The following DOCK10 variants were observed in gnomAD, a reference collection of about 807,000 sequenced individuals.
DOCK10 encodes dedicator of cytokinesis protein 10.
A neutral mutation model predicts 280.1 loss-of-function variants in DOCK10; 145 were observed. The ratio of observed to expected loss-of-function variants is 0.52; its 90% CI spans 0.45 to 0.59. DOCK10 has a LOEUF of 0.59. Ranked by LOEUF, DOCK10 falls within the 20% of genes least tolerant of loss-of-function variation. The pLI is 0.00. For missense variants in DOCK10, 2,368 were observed against 2,651.7 expected, an observed-to-expected ratio of 0.89 and a Z score of 2.35; for synonymous variants, 915 against 942.2, an observed-to-expected ratio of 0.97 and a Z score of 0.53.
At chr2:224,968,913 A>T (rs978732241) in intron 1 of DOCK10, among the ~76,000 whole-genome samples, 6 of 152,234 alleles carry the variant, frequency 3.9e-5, no homozygotes, top group African/African-American at 1.4e-4. Flanking sequence ...CCACAGACAG[A>T]CACACACTTA....
At position 224,931,623 on chromosome 2, in the gene DOCK10, T is replaced by C; in HGVS notation, c.169A>G (p.Ile57Val). 1 of 1,611,572 alleles carries C rather than the reference T, an allele frequency of 6.2e-7. No homozygotes were observed. The highest frequency in any genetic ancestry group is 8.5e-7 in the Non-Finnish European group (1 of 1,178,842). ...LLEPLDYETV[I>V]EELEKTYRND... ...CGGTAGGTCTTTTCAAGTTCTTCAA[T>C]GACAGTCTCATAATCCAAAGGCTCG... The change falls in exon 2 of 56, where the codon ATT becomes GTT. Residue 57 changes from isoleucine to valine, a missense_variant. Physicochemically the swap from Ile to Val is conservative, Grantham distance 29. Around this residue, in one of 2 missense-constraint regions of DOCK10, gnomAD observed 1,209 missense variants for 1,250.9 expected, o/e 0.97. Coordinates refer to ENST00000258390, the MANE Select transcript of DOCK10 (RefSeq NM_014689.3).
intron 1 of DOCK10, among the ~76,000 whole-genome samples, chr2:224,961,448 TTCTTTCTTTCTTTCTTTCTTTTTC>T (rs1704424000): frequency 7.5e-6 from 1 of 133,278 alleles, no homozygotes; most frequent in African/African-American, 2.7e-5. Flanking sequence ...CTTTCTTTCT[TTCTTTCTTTCTTTCTTTCTTTTTC>T]TTTCTTTCTT....
intron 11 of DOCK10, among the ~76,000 whole-genome samples, chr2:224,868,025 A>G (rs934771148): frequency 1.3e-5 from 2 of 152,192 alleles, no homozygotes; most frequent in African/African-American, 4.8e-5. Context: ...ACTGGGCTGA[A>G]GAGCTGGGCC....
At chr2:224,958,594 T>TC (rs1704188776) in intron 1 of DOCK10, among the ~76,000 whole-genome samples, 1 of 152,186 alleles carries the variant, frequency 6.6e-6, no homozygotes, top group Admixed American at 6.5e-5. Context: ...TTATCCTATT[T>TC]CTGTCATCTC....
intron 18 of DOCK10, among the ~76,000 whole-genome samples, chr2:224,850,595 T>A (rs1292413266): frequency 6.6e-6 from 1 of 152,160 alleles, no homozygotes; most frequent in African/African-American, 2.4e-5. Flanking sequence ...TTAGAATGGC[T>A]TCCTGAACAG....
intron 27 of DOCK10, among the ~76,000 whole-genome samples, chr2:224,826,198 G>A (rs1315152134): frequency 6.6e-6 from 1 of 152,050 alleles, no homozygotes; most frequent in Non-Finnish European, 1.5e-5. Flanking sequence ...TGAGTAGCTG[G>A]GATTACAGGT....
chr2:224,818,359 T>C (rs552879823), intron 29 of DOCK10, among the ~76,000 whole-genome samples: 7 of 151,886 alleles, frequency 4.6e-5, no homozygotes, highest in African/African-American at 1.7e-4. Flanking sequence ...AAGTGACGCA[T>C]GACTGTATTC....
chr2:224,994,091 C>T (rs6738674), intron 1 of DOCK10, among the ~76,000 whole-genome samples: 17,394 of 152,044 alleles, frequency 0.11, 2,253 homozygotes, highest in African/African-American at 0.32. Flanking sequence ...CATATTATAT[C>T]GCTTTGTAAT....
chr2:224,916,465 T>C (rs13007460), intron 3 of DOCK10, among the ~76,000 whole-genome samples: 86,077 of 149,182 alleles, frequency 0.58, 25,278 homozygotes, highest in Non-Finnish European at 0.64. Context: ...TGCTTGAACC[T>C]GGGAGGCGGA....
chr2:224,885,955 TA>T, intron 6 of DOCK10, 107 bp downstream of exon 6: 2 of 1,511,968 alleles, frequency 1.3e-6, no homozygotes, highest in Non-Finnish European at 1.8e-6. Flanking sequence ...AATAAAATAT[TA>T]TATGAAACAT....
intron 21 of DOCK10, 76 bp from the exon 22 acceptor site, chr2:224,844,915 T>A: frequency 9.2e-7 from 1 of 1,086,726 alleles, no homozygotes; most frequent in Non-Finnish European, 1.4e-6. Flanking sequence ...TAGTTTATGT[T>A]AATGTGCTGT....
intron 1 of DOCK10, among the ~76,000 whole-genome samples, chr2:225,035,472 ATT>A (rs11462616): frequency 2.2e-5 from 3 of 138,506 alleles, no homozygotes; most frequent in Non-Finnish European, 4.7e-5. Context: ...TGATATCACC[ATT>A]TTTTTTAAAT....
intron 7 of DOCK10, among the ~76,000 whole-genome samples, chr2:224,879,133 C>A (rs192052498): frequency 6.6e-6 from 1 of 152,288 alleles, no homozygotes; most frequent in East Asian, 1.9e-4. Context: ...TTGAAAAAAT[C>A]ATTTTGACTG....
chr2:224,807,112 A>C (rs1693441207), intron 33 of DOCK10: 1 of 149,656 alleles, frequency 6.7e-6, no homozygotes, highest in Admixed American at 6.7e-5. Flanking sequence ...TGAAAAAGGT[A>C]AAAAAAAAAT....
chr2:224,959,127 G>A (rs1704216762), intron 1 of DOCK10, among the ~76,000 whole-genome samples: 3 of 152,130 alleles, frequency 2.0e-5, no homozygotes, highest in Admixed American at 1.3e-4. Flanking sequence ...CTTTCTCACT[G>A]CCCATAACTA....
At chr2:224,930,009 TG>T (rs1218430208) in intron 2 of DOCK10, among the ~76,000 whole-genome samples, 3 of 152,014 alleles carry the variant, frequency 2.0e-5, no homozygotes, top group Admixed American at 2.0e-4. Context: ...AAGACCAGCA[TG>T]GCCAACATGG....
intron 3 of DOCK10, among the ~76,000 whole-genome samples, chr2:224,897,801 G>A (rs1330921188): frequency 6.6e-6 from 1 of 152,114 alleles, no homozygotes; most frequent in Non-Finnish European, 1.5e-5. Flanking sequence ...CGTAATGACG[G>A]ATTATATAAT....
At chr2:224,941,843 CA>C (rs72072414) in intron 1 of DOCK10, among the ~76,000 whole-genome samples, 19,082 of 108,854 alleles carry the variant, frequency 0.18, 3,593 homozygotes, top group African/African-American at 0.5. Flanking sequence ...GCCTCCATCT[CA>C]AAAAAAAAAA....
chr2:224,796,925 G>A (rs200631652), intron 43 of DOCK10, 39 bp downstream of exon 43: 1 of 1,585,934 alleles, frequency 6.3e-7, no homozygotes, highest in East Asian at 2.2e-5. Flanking sequence ...CAGATCAGTG[G>A]TTTTAACAAC....
Sources: gnomAD v4.1 joint callset for allele counts (sites outside exome capture counted in the v4.1 genomes callset) on GRCh38, gnomAD v4.1.1 for gene constraint, gnomAD v4.1.1 regional missense constraint, MANE v1.5 for transcripts, NCBI Gene and HGNC (gene_info 2026-07-23, HGNC 2026-07-21) for gene names.